ZNF395: variants seen among roughly 807,000 people sequenced by gnomAD.
The protein encoded by ZNF395 is HD gene regulatory region-binding protein 2.
Under a neutral mutation model 57.7 loss-of-function variants are expected in ZNF395, and 20 were observed. That is an observed-to-expected ratio of 0.35 (90% CI 0.24 to 0.50). ZNF395 has a LOEUF of 0.50. Among genes scored for constraint, ZNF395 ranks in the 20% least tolerant of loss-of-function variants. ZNF395 has a pLI of 0.97. For synonymous variants in ZNF395, 295 were observed against 275.9 expected, an observed-to-expected ratio of 1.07 and a Z score of -0.69; for missense variants, 606 against 671.2, an observed-to-expected ratio of 0.90 and a Z score of 1.07.
At chr8:28,372,934 T>C (rs1801994661) in intron 1 of ZNF395, among the ~76,000 whole-genome samples, 1 of 152,052 alleles carries the variant, frequency 6.6e-6, no homozygotes. Flanking sequence ...ATCCGCCAAG[T>C]TGGAGAGAGG....
At chr8:28,363,034 C>A (rs1801868782) in intron 1 of ZNF395, among the ~76,000 whole-genome samples, 1 of 150,914 alleles carries the variant, frequency 6.6e-6, no homozygotes, top group South Asian at 2.1e-4. Flanking sequence ...TTCACTGTAA[C>A]AATAAAAAGG....
chr8:28,352,667 C>G lies in ZNF395; in HGVS notation c.826G>C (p.Val276Leu). The change falls in exon 6 of 10, where the codon GTG becomes CTG. Residue 276 changes from valine (V) to leucine (L), a missense_variant. By Grantham distance (32) the Val-to-Leu change is conservative. Around this residue, in one of 3 missense-constraint regions of ZNF395, gnomAD observed 309 missense variants for 374.7 expected, o/e 0.82. Coordinates refer to ENST00000344423, the MANE Select transcript of ZNF395 (RefSeq NM_018660.3). This position sits in a 1 kb window ranked among gnomAD's most constrained non-coding sequence, Gnocchi z 4.0. ...CACAGGCACTTGTACATCACCTTCA[C>G]AGAGTTCTACAGGAAAGGAAGACAG... ...EPAPRKRKNS[V>L]KVMYKCLWPN... is the part of the protein sequence containing the mutation. The G allele has an allele frequency of 6.2e-7, 1 of 1,613,836 alleles. No homozygotes were observed. The highest frequency in any genetic ancestry group is 8.5e-7 in the Non-Finnish European group (1 of 1,179,722).
chr8:28,378,940 C>T (rs993203301), intron 1 of ZNF395, among the ~76,000 whole-genome samples: 8 of 152,328 alleles, frequency 5.3e-5, no homozygotes, highest in African/African-American at 1.4e-4. Context: ...CCCAGTCTTT[C>T]GGGTCAAAGG....
rs1245983924 is a variant in ZNF395 at position 28,352,707 on chromosome 8, T to G, written c.820-34A>C. 1 of 1,571,392 alleles carries G rather than the reference T, an allele frequency of 6.4e-7. No homozygotes were observed. Among genetic ancestry groups the G allele is most frequent in the South Asian group, 1.1e-5 (1 of 90,238 alleles). ...AAGGAAGACAGGGTGAGTGGATATG[T>G]CTTTCTCCTTATCCCTCGCTCAACC... is the stretch of plus-strand genomic sequence containing the variant. On this transcript the variant is annotated intron_variant, in intron 5 of 9. Transcript: ENST00000344423. This position sits in a 1 kb window ranked among gnomAD's most constrained non-coding sequence, Gnocchi z 4.0.
At chr8:28,381,341 C>A (rs1356494877) in intron 1 of ZNF395, among the ~76,000 whole-genome samples, 1 of 151,872 alleles carries the variant, frequency 6.6e-6, no homozygotes, top group Non-Finnish European at 1.5e-5. Context: ...GCGCCCAGCC[C>A]CAGCTAGATT....
At chr8:28,351,396 G>A (rs947855651) in intron 7 of ZNF395, 99 bp downstream of exon 7, 13 of 1,372,440 alleles carry the variant, frequency 9.5e-6, no homozygotes, top group Non-Finnish European at 1.2e-5. Context: ...TTTGGCCAAA[G>A]GGCTCAGCCT....
chr8:28,364,578 CG>C (rs1192911302), intron 1 of ZNF395, among the ~76,000 whole-genome samples: 1 of 147,844 alleles, frequency 6.8e-6, no homozygotes, highest in Non-Finnish European at 1.5e-5. Flanking sequence ...CGCTTGAACC[CG>C]GGAGGCAGAG....
intron 3 of ZNF395, among the ~76,000 whole-genome samples, chr8:28,357,436 T>C (rs1384079362): frequency 6.6e-6 from 1 of 152,246 alleles, no homozygotes; most frequent in Admixed American, 6.5e-5. Context: ...ATGTTACACA[T>C]AATTTTTTAA....
At chr8:28,363,344 G>A (rs1185847500) in intron 1 of ZNF395, among the ~76,000 whole-genome samples, 1 of 151,902 alleles carries the variant, frequency 6.6e-6, no homozygotes, top group Non-Finnish European at 1.5e-5. Flanking sequence ...GTTGCCCAGG[G>A]TGGTCTCAAA....
chr8:28,349,200 T>G lies in ZNF395; in HGVS notation c.1355A>C (p.Glu452Ala). The change falls in exon 9 of 10, where the codon GAG (glutamate) becomes GCG (alanine). Residue 452 changes from glutamate to alanine, a missense_variant. Coordinates refer to ENST00000344423, the MANE Select transcript of ZNF395 (RefSeq NM_018660.3). ...CATCGCAGGTGCTGGCTGCTGGGGC[T>G]CGCTGAAGCTTAGCGACCGGCTCCG... The part of the protein sequence containing the change: ...PVRSRSLSFS[E>A]PQQPAPAMKS... 6.4e-7 allele frequency: 1 copy of G among 1,558,004 alleles called. No homozygotes were observed.
rs868080041 is a variant in ZNF395, at chr8:28,356,593, A to G, written c.583+77T>C. The G allele has an allele frequency of 9.2e-7, 1 of 1,085,728 alleles. No individual in the cohort carries two copies. The highest frequency in any genetic ancestry group is 1.3e-6 in the Non-Finnish European group (1 of 743,672). The allele number at this position is 1,085,728 out of a possible 1,614,324, so 67.3% of individuals were successfully genotyped here. ...TATTGCCAGGCTGGTGACATAGGCA[A>G]CTAGCTGCTCTGCACAGAGGATGTT... On this transcript the variant is annotated intron_variant, in intron 4 of 9. Coordinates refer to ENST00000344423, the MANE Select transcript of ZNF395 (RefSeq NM_018660.3). This position sits in a 1 kb window ranked among gnomAD's most constrained non-coding sequence, Gnocchi z 4.0.
In ZNF395 at chr8:28,356,784, A is replaced by G. The variant is rs35385862; in HGVS notation, c.474-5T>C. On this transcript the variant is annotated splice_polypyrimidine_tract_variant and splice_region_variant and intron_variant, in intron 3 of 9. Transcript: ENST00000344423. This position sits in a 1 kb window ranked among gnomAD's most constrained non-coding sequence, Gnocchi z 4.0. The stretch of plus-strand genomic sequence containing the variant: ...ATTTCCACTGCGTCCGACTTCCTGG[A>G]TTCACACGGATGAGTGGGAAATGTT... The G allele has an allele frequency of 6.2e-3, 9,965 of 1,612,302 alleles. 40 individuals are homozygous for G. Among genetic ancestry groups the G allele is most frequent in the Non-Finnish European group, 6.8e-3 (8,054 of 1,178,664 alleles).
Position 28,348,393 on chromosome 8 carries a change from C to T in ZNF395, c.*326G>A, listed in dbSNP as rs188954528. On this transcript the variant is annotated 3_prime_UTR_variant, in exon 10 of 10. Coordinates refer to ENST00000344423, the MANE Select transcript of ZNF395 (RefSeq NM_018660.3). Reference sequence around the variant, plus strand: ...GAACGAGCTGTTCCTTCTTTTGACACGCACAAGCTAATCCCCTAGAGAGTG... The same window carrying T: ...GAACGAGCTGTTCCTTCTTTTGACATGCACAAGCTAATCCCCTAGAGAGTG... 9.6e-4 allele frequency: 267 copies of T among 278,694 alleles called. 2 individuals carry two copies. Among genetic ancestry groups the T allele is most frequent in the Middle Eastern group, 6.7e-3 (5 of 748 alleles). The allele number at this position is 278,694 out of a possible 1,614,324, so 17.3% of individuals were successfully genotyped here. A position where few individuals can be genotyped will look rare whatever the true frequency, so the allele number is the denominator to read the frequency against.
At chr8:28,357,714 T>C (rs778948754) in intron 3 of ZNF395, among the ~76,000 whole-genome samples, 135 of 152,344 alleles carry the variant, frequency 8.9e-4, no homozygotes, top group African/African-American at 1.8e-3. Flanking sequence ...GAAAAATAAA[T>C]TCTTTACCTG....
chr8:28,380,156 T>A (rs551366678), intron 1 of ZNF395, among the ~76,000 whole-genome samples: 1 of 149,260 alleles, frequency 6.7e-6, no homozygotes, highest in Non-Finnish European at 1.5e-5. Context: ...TACTAGAGTT[T>A]AAAAAAAAAA....
chr8:28,351,954 TGAC>T, intron 6 of ZNF395, 147 bp from the exon 7 acceptor site: 2 of 843,578 alleles, frequency 2.4e-6, no homozygotes, highest in Non-Finnish European at 3.7e-6. Flanking sequence ...GCCTCGCTCC[TGAC>T]GGGTGTCACC....
chr8:28,378,162 T>C (rs774359294), intron 1 of ZNF395, among the ~76,000 whole-genome samples: 1 of 152,156 alleles, frequency 6.6e-6, no homozygotes, highest in Non-Finnish European at 1.5e-5. Context: ...AAGGACCAAA[T>C]TTAATTTTCA....
chr8:28,346,682 G>A lies in ZNF395; in HGVS notation c.*2037C>T, dbSNP rs1316026820. 1 of 152,166 alleles carries A rather than the reference G, an allele frequency of 6.6e-6. No individual in the cohort carries two copies. Among genetic ancestry groups the A allele is most frequent in the African/African-American group, 2.4e-5 (1 of 41,404 alleles). The allele number at this position is 152,166 out of a possible 1,614,324, so 9.4% of individuals were successfully genotyped here. ...GGAATTCAAACAGCTTTCTAAAGAC[G>A]AGACGGCAGTGAAAACTCTGAGGGA... On this transcript the variant is annotated 3_prime_UTR_variant, in exon 10 of 10. Coordinates refer to ENST00000344423, the MANE Select transcript of ZNF395 (RefSeq NM_018660.3).
At chr8:28,366,814 T>TAAA (rs5890411) in intron 1 of ZNF395, among the ~76,000 whole-genome samples, 102 of 133,818 alleles carry the variant, frequency 7.6e-4, no homozygotes, top group African/African-American at 2.5e-3. Context: ...AAAGAAAGTT[T>TAAA]AAAAAAAAAA....
Sources: allele counts gnomAD v4.1 joint callset (sites outside exome capture counted in the v4.1 genomes callset), GRCh38; gene constraint gnomAD v4.1.1; regional missense constraint gnomAD v4.1.1; non-coding constraint Gnocchi (gnomAD v3.1); transcripts MANE v1.5; gene names NCBI Gene and HGNC (gene_info 2026-07-23, HGNC 2026-07-21).